Variants in ARID1B observed in about 807,000 individuals in gnomAD.
ARID1B encodes AT-rich interactive domain-containing protein 1B.
Under a neutral mutation model 212.3 loss-of-function variants are expected in ARID1B, and 30 were observed. The ratio of observed to expected loss-of-function variants is 0.14; its 90% CI spans 0.11 to 0.19. ARID1B has a LOEUF of 0.19. Among genes scored for constraint, ARID1B ranks in the 10% least tolerant of loss-of-function variants. The pLI, the probability that ARID1B is intolerant of heterozygous loss-of-function variation, is 1.00. For missense variants in ARID1B, 2,891 were observed against 3,204.0 expected, an observed-to-expected ratio of 0.90 and a Z score of 2.36; for synonymous variants, 1,402 against 1,301.7, an observed-to-expected ratio of 1.08 and a Z score of -1.66.
At chr6:157,176,520 G>C (rs376341414) in intron 11 of ARID1B, among the ~76,000 whole-genome samples, 4 of 152,294 alleles carry the variant, frequency 2.6e-5, no homozygotes, top group South Asian at 2.1e-4. Flanking sequence ...GAGAATTTCA[G>C]AGGTTAAAAA....
At chr6:157,181,372 G>T (rs529291834) in intron 12 of ARID1B, among the ~76,000 whole-genome samples, 194 bp downstream of exon 12, 4 of 152,092 alleles carry the variant, frequency 2.6e-5, no homozygotes, top group African/African-American at 9.7e-5. Flanking sequence ...CCACCAACTC[G>T]CAGCGTGACC....
At chr6:156,968,879 T>C (rs1045685645) in intron 4 of ARID1B, among the ~76,000 whole-genome samples, 28 of 152,256 alleles carry the variant, frequency 1.8e-4, no homozygotes, top group African/African-American at 5.8e-4. Flanking sequence ...GAATGGTTAC[T>C]CTGGCTTGAG....
intron 2 of ARID1B, among the ~76,000 whole-genome samples, chr6:156,843,911 A>G (rs1363739946): frequency 6.6e-6 from 1 of 152,130 alleles, no homozygotes; most frequent in Non-Finnish European, 1.5e-5. Flanking sequence ...TCTATGGACT[A>G]TACTCTGGGA....
At chr6:157,075,524 G>T (rs1784247685) in intron 4 of ARID1B, among the ~76,000 whole-genome samples, 1 of 152,208 alleles carries the variant, frequency 6.6e-6, no homozygotes, top group South Asian at 2.1e-4. Context: ...CTAGGAGGTG[G>T]AGCTTAATTC....
intron 2 of ARID1B, among the ~76,000 whole-genome samples, chr6:156,897,671 T>C (rs1039218045): frequency 6.6e-5 from 10 of 151,952 alleles, no homozygotes; most frequent in Non-Finnish European, 1.5e-4. Flanking sequence ...TTAAAAAATA[T>C]ATATATATAT....
chr6:157,124,357 G>A (rs560466512), intron 6 of ARID1B, among the ~76,000 whole-genome samples: 7 of 152,362 alleles, frequency 4.6e-5, no homozygotes, highest in African/African-American at 9.6e-5. Flanking sequence ...ACAGTCTGGC[G>A]AGAGAAACAG....
chr6:156,824,045 A>G (rs1477797619), intron 1 of ARID1B, among the ~76,000 whole-genome samples: 2 of 152,190 alleles, frequency 1.3e-5, no homozygotes, highest in Non-Finnish European at 2.9e-5. Flanking sequence ...GTGCTACCCA[A>G]TATGCTTAGA....
chr6:156,881,230 A>T (rs1373404586), intron 2 of ARID1B, among the ~76,000 whole-genome samples: 2 of 152,140 alleles, frequency 1.3e-5, no homozygotes, highest in Non-Finnish European at 2.9e-5. Flanking sequence ...ATTACGGCTC[A>T]CTCAGGCAGT....
chr6:157,158,766 A>G (rs995994045), intron 8 of ARID1B, among the ~76,000 whole-genome samples: 4 of 152,362 alleles, frequency 2.6e-5, no homozygotes, highest in South Asian at 2.1e-4. Flanking sequence ...GGATGTGGCT[A>G]TTCCTAGCAC....
chr6:157,146,670 A>G (rs1789750506), intron 7 of ARID1B, among the ~76,000 whole-genome samples: 1 of 152,114 alleles, frequency 6.6e-6, no homozygotes, highest in Non-Finnish European at 1.5e-5. Context: ...ACACATACCC[A>G]TGTAGATGTG....
intron 11 of ARID1B, among the ~76,000 whole-genome samples, chr6:157,177,758 C>T (rs1262250461): frequency 1.3e-5 from 2 of 152,164 alleles, no homozygotes; most frequent in African/African-American, 4.8e-5. Context: ...ATTCCTTTTT[C>T]TTGCCTCCAC....
At chr6:156,917,853 C>T (rs1790480988) in intron 3 of ARID1B, among the ~76,000 whole-genome samples, 1 of 152,150 alleles carries the variant, frequency 6.6e-6, no homozygotes, top group African/African-American at 2.4e-5. Flanking sequence ...TCTGAGTCTA[C>T]TTTTATGAGA....
chr6:156,818,106 T>TTTA (rs1484494293), intron 1 of ARID1B, among the ~76,000 whole-genome samples: 2 of 144,458 alleles, frequency 1.4e-5, no homozygotes, highest in African/African-American at 5.2e-5. Flanking sequence ...CTATTTTTTT[T>TTTA]TTTTTTTTTT....
Position 156,777,859 on chromosome 6 carries a change from GCGGCGGCGA to G in ARID1B, c.188_196del (p.Asp63_Gly65del). 12 of 1,339,876 alleles carry G rather than the reference GCGGCGGCGA, an allele frequency of 9.0e-6. No individual in the cohort carries two copies. The highest frequency in any genetic ancestry group is 1.1e-5 in the Non-Finnish European group (12 of 1,051,798). The allele number at this position is 1,339,876 out of a possible 1,614,324, so 83.0% of individuals were successfully genotyped here. ...GCGGCACCGGGACCCATGCTGGGGG[GCGGCGGCGA>G]CGGCGGCGGCGGCCTGAACAGTGTG... is the stretch of plus-strand genomic sequence containing the variant. On this transcript the variant is annotated inframe_deletion, in exon 1 of 20. Transcript: ENST00000636930.
intron 4 of ARID1B, among the ~76,000 whole-genome samples, chr6:156,956,519 T>C (rs939318370): frequency 6.6e-6 from 1 of 152,138 alleles, no homozygotes; most frequent in Non-Finnish European, 1.5e-5. Flanking sequence ...CCATAGACCC[T>C]CTGCTGGGTC....
intron 3 of ARID1B, among the ~76,000 whole-genome samples, chr6:156,921,399 A>G (rs1318868491): frequency 1.3e-5 from 2 of 150,568 alleles, no homozygotes; most frequent in Non-Finnish European, 3.0e-5. Flanking sequence ...ACTGTTTAAA[A>G]GGTAAAAAGT....
At chr6:156,959,747 C>G (rs1386294922) in intron 4 of ARID1B, among the ~76,000 whole-genome samples, 3 of 152,064 alleles carry the variant, frequency 2.0e-5, no homozygotes, top group Non-Finnish European at 4.4e-5. Context: ...AATACAGATT[C>G]TTCCCCATCT....
chr6:157,070,353 T>C (rs1417273340), intron 4 of ARID1B, among the ~76,000 whole-genome samples: 2 of 152,218 alleles, frequency 1.3e-5, no homozygotes, highest in Non-Finnish European at 2.9e-5. Context: ...TTGTAAGTTT[T>C]GATATTCTAA....
At chr6:157,032,798 A>C (rs1299163481) in intron 4 of ARID1B, among the ~76,000 whole-genome samples, 1 of 152,194 alleles carries the variant, frequency 6.6e-6, no homozygotes, top group Non-Finnish European at 1.5e-5. Context: ...AAATATTCTA[A>C]GTACATCAAG....
Sources: allele counts gnomAD v4.1 joint callset (sites outside exome capture counted in the v4.1 genomes callset), GRCh38; gene constraint gnomAD v4.1.1; transcripts MANE v1.5; gene names NCBI Gene and HGNC (gene_info 2026-07-23, HGNC 2026-07-21).